Variants in CHST11 observed in about 807,000 individuals in gnomAD.
CHST11 encodes the protein C4S-1.
In CHST11, 9 loss-of-function variants were observed where a neutral mutation model predicts 30.4. The observed-to-expected ratio is 0.30, with a 90% CI of 0.18 to 0.52. CHST11 has a LOEUF of 0.52. Ranked by LOEUF, CHST11 falls within the 20% of genes least tolerant of loss-of-function variation. The probability of loss-of-function intolerance (pLI) is 0.97; values close to 1 mark genes in which losing one functional copy is unlikely to be tolerated. For missense variants in CHST11, 348 were observed against 460.6 expected (o/e 0.76, Z 2.24); for synonymous variants, 152 against 187.8 (o/e 0.81, Z 1.56).
chr12:104,757,884 A>G lies in CHST11; in HGVS notation c.*81A>G. 1 of 1,340,846 alleles carries G rather than the reference A, an allele frequency of 7.5e-7. No individual in the cohort carries two copies. Among genetic ancestry groups the G allele is most frequent in the South Asian group, 1.4e-5 (1 of 70,032 alleles). 83.1% of individuals were successfully genotyped at this position (1,340,846 alleles called of 1,614,324 possible). A position where few individuals can be genotyped will look rare whatever the true frequency, so the allele number is the denominator to read the frequency against. On this transcript the variant is annotated 3_prime_UTR_variant, in exon 3 of 3. Coordinates refer to ENST00000303694, the MANE Select transcript of CHST11 (RefSeq NM_018413.6). The surrounding 1 kb of genome is among the most constrained non-coding windows in gnomAD (Gnocchi z 6.5). ...AAAAGAATTATATGGATATTGGGTT[A>G]TTTTGTAAATTAATATTTCTTTGGG... is the stretch of plus-strand genomic sequence containing the variant.
intron 2 of CHST11, among the ~76,000 whole-genome samples, chr12:104,660,499 TG>T (rs1265024753): frequency 6.6e-6 from 1 of 152,194 alleles, no homozygotes; most frequent in African/African-American, 2.4e-5. Flanking sequence ...CAACTTTGTA[TG>T]GAGGACATGA....
intron 2 of CHST11, among the ~76,000 whole-genome samples, chr12:104,723,676 T>C (rs1372661283): frequency 2.6e-5 from 4 of 152,172 alleles, no homozygotes; most frequent in African/African-American, 4.8e-5. Flanking sequence ...GGTGAGGGGC[T>C]GCCTTGCTCA....
At chr12:104,628,527 C>T (rs565566045) in intron 2 of CHST11, among the ~76,000 whole-genome samples, 13 of 152,188 alleles carry the variant, frequency 8.5e-5, no homozygotes, top group Non-Finnish European at 1.8e-4. Context: ...AATGTGTTTC[C>T]GTTGTCCAGG....
chr12:104,532,289 T>C (rs1324190960), intron 1 of CHST11, among the ~76,000 whole-genome samples: 1 of 152,132 alleles, frequency 6.6e-6, no homozygotes, highest in Non-Finnish European at 1.5e-5. Context: ...CACTCCAAGG[T>C]CTAGTTCACA....
chr12:104,738,979 C>T (rs749314741), intron 2 of CHST11, among the ~76,000 whole-genome samples: 7 of 152,216 alleles, frequency 4.6e-5, no homozygotes, highest in South Asian at 2.1e-4. Context: ...CTCCTGAAGA[C>T]GGAGGACCAG....
intron 2 of CHST11, among the ~76,000 whole-genome samples, chr12:104,610,995 A>G (rs2039055284): frequency 6.6e-6 from 1 of 152,212 alleles, no homozygotes; most frequent in Admixed American, 6.5e-5. Context: ...ATTTGCATGC[A>G]AGAAACCTCC....
chr12:104,486,024 G>A (rs188631452), intron 1 of CHST11, among the ~76,000 whole-genome samples: 25 of 152,086 alleles, frequency 1.6e-4, no homozygotes, highest in Admixed American at 5.2e-4. Context: ...ATGTGTGCAC[G>A]TGTGTGCCTG....
chr12:104,490,147 G>C (rs2037730738), intron 1 of CHST11, among the ~76,000 whole-genome samples: 1 of 152,196 alleles, frequency 6.6e-6, no homozygotes, highest in African/African-American at 2.4e-5. Context: ...CACAGACCAG[G>C]TGGCTCTCTG....
At chr12:104,475,658 T>TTTTATATATATATATATA (rs770441229) in intron 1 of CHST11, among the ~76,000 whole-genome samples, 62 of 34,154 alleles carry the variant, frequency 1.8e-3, no homozygotes, top group African/African-American at 3.7e-3. Context: ...TAAAGCAGCA[T>TTTTATATATATATATATA]TATATATATA....
intron 1 of CHST11, chr12:104,514,347 CTCT>C (rs1290425843): frequency 4.1e-5 from 39 of 955,484 alleles, no homozygotes; most frequent in Non-Finnish European, 3.4e-6. Flanking sequence ...CAAGCAGCAG[CTCT>C]TCTTCTATGC....
intron 2 of CHST11, among the ~76,000 whole-genome samples, chr12:104,711,527 G>A (rs1177209622): frequency 6.6e-6 from 1 of 151,988 alleles, no homozygotes; most frequent in Admixed American, 6.5e-5. Flanking sequence ...ACGACCCAAG[G>A]ACAATGTCAG....
At chr12:104,497,916 T>C (rs1006024359) in intron 1 of CHST11, among the ~76,000 whole-genome samples, 2 of 133,856 alleles carry the variant, frequency 1.5e-5, no homozygotes, top group African/African-American at 6.1e-5. Context: ...CCTCTTTTTT[T>C]TTTTTTTTTT....
chr12:104,761,656 A>G lies in CHST11; in HGVS notation c.*3853A>G, dbSNP rs1342602662. On this transcript the variant is annotated 3_prime_UTR_variant, in exon 3 of 3. Coordinates refer to ENST00000303694, the MANE Select transcript of CHST11 (RefSeq NM_018413.6). ...CACAACCAGTTAGAACCCTACAGGC[A>G]ACAAGGCCTTCTAGAATCCGCTTAA... The G allele has an allele frequency of 2.0e-5, 3 of 152,288 alleles. No individual in the cohort carries two copies. Among genetic ancestry groups the G allele is most frequent in the African/African-American group, 7.2e-5 (3 of 41,434 alleles). The allele number at this position is 152,288 out of a possible 1,614,324, so 9.4% of individuals were successfully genotyped here. A position where few individuals can be genotyped will look rare whatever the true frequency, so the allele number is the denominator to read the frequency against.
chr12:104,642,987 C>T (rs917847459), intron 2 of CHST11, among the ~76,000 whole-genome samples: 2 of 152,086 alleles, frequency 1.3e-5, no homozygotes, highest in African/African-American at 2.4e-5. Flanking sequence ...CAATTAGATG[C>T]CCACTACATG....
intron 2 of CHST11, among the ~76,000 whole-genome samples, chr12:104,632,976 C>T (rs562345975): frequency 6.6e-6 from 1 of 152,234 alleles, no homozygotes; most frequent in African/African-American, 2.4e-5. Flanking sequence ...CCCTGGGAAA[C>T]TCTTTTCTTT....
intron 1 of CHST11, among the ~76,000 whole-genome samples, chr12:104,588,358 A>T (rs530704063): frequency 7.2e-5 from 11 of 152,194 alleles, no homozygotes; most frequent in Non-Finnish European, 1.6e-4. Context: ...GGTTTTTAAG[A>T]AAACAATTTT....
chr12:104,547,462 C>T (rs1015909686), intron 1 of CHST11, among the ~76,000 whole-genome samples: 4 of 152,192 alleles, frequency 2.6e-5, no homozygotes, highest in Admixed American at 6.6e-5. Context: ...CATCCAGTAC[C>T]GTGCCCATGA....
In CHST11 at chr12:104,718,131, C is replaced by T. The variant is rs182890751; in HGVS notation, c.205-38818C>T. Among the ~76,000 whole-genome samples, 6 of 152,292 alleles carry T rather than the reference C, an allele frequency of 3.9e-5. No individual in the cohort carries two copies. The East Asian group carries it at 1.2e-3, about 29-fold the overall frequency. ...ACTTACTATGCGAAAGGTACTTTGC[C>T]AAGCATGAGATGCCCATTCCCTCAC... On this transcript the variant is annotated intron_variant, in intron 2 of 2. Transcript: ENST00000303694.
intron 2 of CHST11, among the ~76,000 whole-genome samples, chr12:104,640,196 TATC>T (rs1251820081): frequency 6.6e-6 from 1 of 152,184 alleles, no homozygotes; most frequent in East Asian, 1.9e-4. Context: ...AACATCCTCT[TATC>T]ATGTGATCCA....
Sources: gnomAD v4.1 joint callset for allele counts (sites outside exome capture counted in the v4.1 genomes callset) on GRCh38, gnomAD v4.1.1 for gene constraint, Gnocchi (gnomAD v3.1) non-coding constraint, MANE v1.5 for transcripts, NCBI Gene and HGNC (gene_info 2026-07-23, HGNC 2026-07-21) for gene names.